The following PTPRK variants were observed in gnomAD, a reference collection of about 807,000 sequenced individuals.
The protein encoded by PTPRK is receptor-type tyrosine-protein phosphatase kappa.
In PTPRK, 75 loss-of-function variants were observed where a neutral mutation model predicts 178.0. That is an observed-to-expected ratio of 0.42 (90% confidence interval 0.35 to 0.51). The LOEUF is 0.51. Among genes scored for constraint, PTPRK ranks in the 20% least tolerant of loss-of-function variants. PTPRK has a pLI of 0.02. For missense variants in PTPRK, 1,441 were observed against 1,797.8 expected, an observed-to-expected ratio of 0.80 and a Z score of 3.59; for synonymous variants, 637 against 620.6, an observed-to-expected ratio of 1.03 and a Z score of -0.39.
At chr6:128,283,915 G>A (rs1415617155) in intron 3 of PTPRK, among the ~76,000 whole-genome samples, 1 of 152,132 alleles carries the variant, frequency 6.6e-6, no homozygotes, top group Non-Finnish European at 1.5e-5. Flanking sequence ...CCACTAACAA[G>A]TCTGCCTGAC....
intron 4 of PTPRK, among the ~76,000 whole-genome samples, chr6:128,241,726 A>G (rs1358206653): frequency 6.6e-6 from 1 of 152,084 alleles, no homozygotes; most frequent in African/African-American, 2.4e-5. Flanking sequence ...ATGTGCCTCT[A>G]AGGGCATAAC....
rs1858751921 is a variant in PTPRK, at chr6:128,519,898, G to A, written c.100+361C>T. ...TGTTTAAACACCCAAGTGGCAGACA[G>A]CAACAAACCCGCACCACAAGCAACA... is the stretch of plus-strand genomic sequence containing the variant. On this transcript the variant is annotated intron_variant, in intron 1 of 29. Coordinates refer to ENST00000368226, the MANE Select transcript of PTPRK (RefSeq NM_002844.4). The surrounding 1 kb of genome is among the most constrained non-coding windows in gnomAD (Gnocchi z 4.3). Among the ~76,000 whole-genome samples the A allele has an allele frequency of 6.6e-6, 1 of 152,202 alleles. No individual in the cohort carries two copies.
chr6:128,105,609 C>T (rs1430327649), intron 7 of PTPRK, among the ~76,000 whole-genome samples: 4 of 152,172 alleles, frequency 2.6e-5, no homozygotes. Flanking sequence ...ATGGATGTTA[C>T]TTTCATAGCA....
At chr6:128,475,954 A>G (rs572885067) in intron 1 of PTPRK, among the ~76,000 whole-genome samples, 1 of 152,180 alleles carries the variant, frequency 6.6e-6, no homozygotes, top group East Asian at 1.9e-4. Flanking sequence ...AAATCCTCCT[A>G]TCAGTAGCAT....
chr6:128,288,318 C>T (rs1822837735), intron 3 of PTPRK, among the ~76,000 whole-genome samples: 1 of 152,154 alleles, frequency 6.6e-6, no homozygotes, highest in South Asian at 2.1e-4. Context: ...AGTTAATTCA[C>T]AGATTTTTTT....
intron 3 of PTPRK, among the ~76,000 whole-genome samples, chr6:128,276,819 A>C (rs1213367207): frequency 6.6e-6 from 1 of 152,134 alleles, no homozygotes; most frequent in Non-Finnish European, 1.5e-5. Context: ...TATTCCCTGA[A>C]AAAGTATACA....
chr6:128,193,803 A>G (rs1804332024), intron 6 of PTPRK, among the ~76,000 whole-genome samples: 1 of 152,066 alleles, frequency 6.6e-6, no homozygotes, highest in Admixed American at 6.6e-5. Flanking sequence ...CAATAACTTT[A>G]TTACCTGCTT....
At chr6:128,462,439 A>C (rs923703824) in intron 1 of PTPRK, among the ~76,000 whole-genome samples, 3 of 152,018 alleles carry the variant, frequency 2.0e-5, no homozygotes, top group Admixed American at 1.3e-4. Flanking sequence ...TGTTCTTATC[A>C]TACCCGTGAT....
At chr6:128,444,904 C>T (rs1023400829) in intron 1 of PTPRK, among the ~76,000 whole-genome samples, 2 of 152,048 alleles carry the variant, frequency 1.3e-5, no homozygotes, top group African/African-American at 4.8e-5. Context: ...AGTCTCAACA[C>T]TTCATGTATA....
intron 7 of PTPRK, among the ~76,000 whole-genome samples, chr6:128,116,576 T>A (rs770821424): frequency 1.3e-5 from 2 of 152,202 alleles, no homozygotes; most frequent in African/African-American, 2.4e-5. Flanking sequence ...AAATAATCTA[T>A]TCTTTCTAAG....
intron 27 of PTPRK, among the ~76,000 whole-genome samples, chr6:127,976,118 T>C (rs560237890): frequency 6.6e-6 from 1 of 152,288 alleles, no homozygotes; most frequent in South Asian, 2.1e-4. Flanking sequence ...GTTCTACCTT[T>C]AGATCTGCTT....
intron 2 of PTPRK, among the ~76,000 whole-genome samples, chr6:128,366,754 T>C (rs1406126391): frequency 6.6e-6 from 1 of 152,152 alleles, no homozygotes; most frequent in Non-Finnish European, 1.5e-5. Context: ...ATTGAACATA[T>C]ATAAAACCAA....
At chr6:128,180,491 T>C (rs968260830) in intron 7 of PTPRK, among the ~76,000 whole-genome samples, 4 of 152,034 alleles carry the variant, frequency 2.6e-5, no homozygotes, top group African/African-American at 9.7e-5. Context: ...TGAGGTAGGC[T>C]TCAGTGGCTT....
At chr6:128,318,048 GA>G (rs201628952) in intron 3 of PTPRK, among the ~76,000 whole-genome samples, 3 of 151,564 alleles carry the variant, frequency 2.0e-5, no homozygotes, top group African/African-American at 4.8e-5. Context: ...TATATCTAGA[GA>G]AAAAAAAATC....
chr6:128,136,334 T>C (rs1381823532), intron 7 of PTPRK, among the ~76,000 whole-genome samples: 4 of 152,156 alleles, frequency 2.6e-5, no homozygotes, highest in African/African-American at 9.7e-5. Context: ...GAGAAAAGCA[T>C]TACATATAGG....
At chr6:128,179,959 C>A (rs1357555115) in intron 7 of PTPRK, among the ~76,000 whole-genome samples, 1 of 152,064 alleles carries the variant, frequency 6.6e-6, no homozygotes, top group Non-Finnish European at 1.5e-5. Flanking sequence ...ATAGATCTAA[C>A]TGTTTCACTG....
chr6:128,475,193 T>C (rs1026246885), intron 1 of PTPRK, among the ~76,000 whole-genome samples: 4 of 152,124 alleles, frequency 2.6e-5, no homozygotes, highest in African/African-American at 9.7e-5. Flanking sequence ...CTGTATTTGT[T>C]TCCTCATTTA....
At chr6:128,407,517 T>C (rs1478600019) in intron 1 of PTPRK, among the ~76,000 whole-genome samples, 1 of 150,836 alleles carries the variant, frequency 6.6e-6, no homozygotes, top group Non-Finnish European at 1.5e-5. Flanking sequence ...CATACACCTG[T>C]AGTCCCAGCT....
At chr6:128,189,433 G>C (rs1249184318) in intron 6 of PTPRK, among the ~76,000 whole-genome samples, 1 of 151,370 alleles carries the variant, frequency 6.6e-6, no homozygotes, top group Non-Finnish European at 1.5e-5. Flanking sequence ...TAGAGACGGG[G>C]TTTCGCTATA....
Sources: allele counts gnomAD v4.1 joint callset (sites outside exome capture counted in the v4.1 genomes callset), GRCh38; gene constraint gnomAD v4.1.1; non-coding constraint Gnocchi (gnomAD v3.1); transcripts MANE v1.5; gene names NCBI Gene and HGNC (gene_info 2026-07-23, HGNC 2026-07-21).